TRAPPC8: variants seen among roughly 807,000 people sequenced by gnomAD.
TRAPPC8 encodes general sporulation gene 1 homolog.
A neutral mutation model predicts 174.3 loss-of-function variants in TRAPPC8; 54 were observed. The observed-to-expected ratio is 0.31, with a 90% CI of 0.25 to 0.39. TRAPPC8 has a LOEUF of 0.39. Ranked by LOEUF, TRAPPC8 falls within the 10% of genes least tolerant of loss-of-function variation. The probability of loss-of-function intolerance (pLI) is 1.00; values close to 1 mark genes in which losing one functional copy is unlikely to be tolerated. For missense variants in TRAPPC8, 1,531 were observed against 1,699.1 expected (o/e 0.90, Z 1.74); for synonymous variants, 630 against 579.9 (o/e 1.09, Z -1.24).
rs73409458 is a variant in TRAPPC8, at chr18:31,832,901, A to T, written c.3984-728T>A. The stretch of plus-strand genomic sequence containing the variant: ...ACACAAAGATAGTAAAGAAGAAAAA[A>T]TAGTAACCGTATAAGTTCATACACA... On this transcript the variant is annotated intron_variant, in intron 27 of 28. Coordinates refer to ENST00000283351, the MANE Select transcript of TRAPPC8 (RefSeq NM_014939.5). 8.8e-3 allele frequency among the ~76,000 whole-genome samples: 1,340 copies of T among 152,338 alleles called. 25 individuals carry two copies. The highest frequency in any genetic ancestry group is 0.031 in the African/African-American group (1,296 of 41,580).
intron 19 of TRAPPC8, 76 bp from the exon 20 acceptor site, chr18:31,858,058 C>CA: frequency 1.0e-6 from 1 of 977,206 alleles, no homozygotes; most frequent in Non-Finnish European, 1.5e-6. Flanking sequence ...CTTTAAGACA[C>CA]TTTTTTTTTT....
At chr18:31,845,787 A>T (rs763905080) in intron 26 of TRAPPC8, among the ~76,000 whole-genome samples, 15 of 152,174 alleles carry the variant, frequency 9.9e-5, no homozygotes, top group Non-Finnish European at 2.2e-4. Context: ...GAAATAAAAA[A>T]AATAGTAATA....
chr18:31,871,174 A>G (rs2034840159), intron 14 of TRAPPC8, 54 bp from the exon 15 acceptor site: 3 of 1,046,596 alleles, frequency 2.9e-6, no homozygotes, highest in South Asian at 4.0e-5. Context: ...CAAATAAAAC[A>G]TATTTTAAAT....
chr18:31,903,761 C>T (rs547993921), intron 9 of TRAPPC8, among the ~76,000 whole-genome samples: 2 of 152,120 alleles, frequency 1.3e-5, no homozygotes, highest in Admixed American at 6.5e-5. Flanking sequence ...CACAGTGGCT[C>T]ACACCTGTAA....
intron 24 of TRAPPC8, 66 bp from the exon 25 acceptor site, chr18:31,849,805 T>G: frequency 7.0e-7 from 1 of 1,429,092 alleles, no homozygotes; most frequent in Non-Finnish European, 9.2e-7. Flanking sequence ...TTATTTTGTA[T>G]AACTCAGTTT....
chr18:31,887,234 T>C (rs1023488153), intron 12 of TRAPPC8, among the ~76,000 whole-genome samples: 33 of 152,134 alleles, frequency 2.2e-4, no homozygotes, highest in African/African-American at 8.0e-4. Flanking sequence ...TAAACAGAAC[T>C]AAAGAGAAAA....
chr18:31,864,099 T>C (rs2034470803), intron 19 of TRAPPC8, among the ~76,000 whole-genome samples: 1 of 149,184 alleles, frequency 6.7e-6, no homozygotes, highest in Non-Finnish European at 1.5e-5. Context: ...AATATTATAA[T>C]ACTTTAGTAT....
intron 19 of TRAPPC8, 120 bp from the exon 20 acceptor site, chr18:31,858,102 C>A: frequency 2.5e-6 from 2 of 788,226 alleles, no homozygotes; most frequent in Non-Finnish European, 3.9e-6. Context: ...TTCATTAATT[C>A]TTTGGTATCT....
intron 13 of TRAPPC8, chr18:31,874,174 T>C (rs1250618670): frequency 9.9e-6 from 4 of 405,202 alleles, no homozygotes; most frequent in Non-Finnish European, 1.7e-5. Context: ...TAAAATCAGT[T>C]GTGAGTCTAT....
rs200943530 is a variant in TRAPPC8, at chr18:31,919,533, AAAATAAATAAATAAAT to A, written c.353-1882_353-1867del. The stretch of plus-strand genomic sequence containing the variant: ...GGGCAATAGAGTGAGACTCAGTCTC[AAAATAAATAAATAAAT>A]AAATAAATAAATAAATAAATAAATA... On this transcript the variant is annotated intron_variant, in intron 2 of 28. Coordinates refer to ENST00000283351, the MANE Select transcript of TRAPPC8 (RefSeq NM_014939.5). Among the ~76,000 whole-genome samples, 607 of 115,646 alleles carry A rather than the reference AAAATAAATAAATAAAT, an allele frequency of 5.2e-3. 1 individual carries two copies. The highest frequency in any genetic ancestry group is 0.015 in the South Asian group (52 of 3,414). 75.9% of individuals were successfully genotyped at this position (115,646 alleles called of 152,430 possible).
chr18:31,873,981 T>G (rs2035018743), intron 13 of TRAPPC8: 1 of 176,384 alleles, frequency 5.7e-6, no homozygotes, highest in Non-Finnish European at 1.2e-5. Flanking sequence ...CATAAAACAA[T>G]GCTTTATATG....
intron 4 of TRAPPC8, 29 bp downstream of exon 4, chr18:31,916,243 A>C: frequency 7.0e-7 from 1 of 1,436,196 alleles, no homozygotes. Flanking sequence ...TTTAACTGGA[A>C]AAAATTTAAA....
At chr18:31,916,139 C>A (rs1319927205) in intron 4 of TRAPPC8, 133 bp downstream of exon 4, 13 of 587,024 alleles carry the variant, frequency 2.2e-5, no homozygotes, top group Non-Finnish European at 2.9e-5. Context: ...AAGTTAAATG[C>A]TTTATTAATA....
At chr18:31,942,317 T>A (rs994811866) in intron 1 of TRAPPC8, among the ~76,000 whole-genome samples, 2 of 152,254 alleles carry the variant, frequency 1.3e-5, no homozygotes, top group African/African-American at 4.8e-5. Context: ...ACAGTCTCAA[T>A]GCCGTTCTCG....
chr18:31,936,663 G>A (rs2038110836), intron 1 of TRAPPC8, among the ~76,000 whole-genome samples: 1 of 151,946 alleles, frequency 6.6e-6, no homozygotes, highest in Non-Finnish European at 1.5e-5. Flanking sequence ...CACTTTGGGA[G>A]GCCGAAGGCG....
At chr18:31,874,735 T>G in intron 12 of TRAPPC8, 31 bp from the exon 13 acceptor site, 1 of 1,574,006 alleles carries the variant, frequency 6.4e-7, no homozygotes, top group Non-Finnish European at 8.6e-7. Flanking sequence ...TAATGTATTA[T>G]ACTCCAAATT....
chr18:31,876,126 A>T (rs901252531), intron 12 of TRAPPC8, among the ~76,000 whole-genome samples: 4 of 152,196 alleles, frequency 2.6e-5, no homozygotes, highest in African/African-American at 9.7e-5. Context: ...GTATGAAATT[A>T]TCACGTATTA....
At chr18:31,914,346 G>A (rs548347907) in intron 4 of TRAPPC8, among the ~76,000 whole-genome samples, 17 of 152,262 alleles carry the variant, frequency 1.1e-4, no homozygotes, top group African/African-American at 3.6e-4. Context: ...CACACTGAAG[G>A]ACAATAAAGC....
Position 31,909,704 on chromosome 18 carries a change from G to A in TRAPPC8, c.828C>T (p.Asn276=). Reference sequence around the variant, plus strand: ...TATCTAATCCATCCAATGAAAGCAAGTTATTATCAGAATTCTTATTTGAAG... The same window carrying A: ...TATCTAATCCATCCAATGAAAGCAAATTATTATCAGAATTCTTATTTGAAG... ...TITSNKNSDN[N]LLSLDGLDNE... is the part of the protein sequence containing the mutation. The change falls in exon 6 of 29, where the codon AAC becomes AAT. Residue 276 remains asparagine, a synonymous_variant. Transcript: ENST00000283351. 6.2e-7 allele frequency: 1 copy of A among 1,600,812 alleles called. No individual in the cohort carries two copies. The highest frequency in any genetic ancestry group is 8.5e-7 in the Non-Finnish European group (1 of 1,176,292).
Sources: gnomAD v4.1 joint callset for allele counts (sites outside exome capture counted in the v4.1 genomes callset) on GRCh38, gnomAD v4.1.1 for gene constraint, MANE v1.5 for transcripts, NCBI Gene and HGNC (gene_info 2026-07-23, HGNC 2026-07-21) for gene names.